DGKB: variants seen among roughly 807,000 people sequenced by gnomAD.
The protein encoded by DGKB is 90 kDa diacylglycerol kinase.
DGKB carries 67 observed loss-of-function variants against 114.3 expected under a neutral mutation model. The observed-to-expected ratio is 0.59, with a 90% CI of 0.48 to 0.72. The LOEUF is 0.72. Ranked by LOEUF, DGKB falls within the 30% of genes least tolerant of loss-of-function variation. The probability of loss-of-function intolerance (pLI) is 0.00; values close to 1 mark genes in which losing one functional copy is unlikely to be tolerated. For synonymous variants in DGKB, 398 were observed against 323.1 expected (o/e 1.23, Z -2.49); for missense variants, 907 against 975.2 (o/e 0.93, Z 0.93).
chr7:14,813,423 G>A (rs1437707843), intron 2 of DGKB, among the ~76,000 whole-genome samples: 1 of 152,128 alleles, frequency 6.6e-6, no homozygotes, highest in Non-Finnish European at 1.5e-5. Context: ...GTAATCTGCA[G>A]CACAACCTCA....
At chr7:14,747,775 G>GCGCGCGCACACACACACACA in intron 4 of DGKB, among the ~76,000 whole-genome samples, 11 of 149,178 alleles carry the variant, frequency 7.4e-5, no homozygotes, top group African/African-American at 2.8e-4. Context: ...ACATCCACGC[G>GCGCGCGCACACACACACACA]CACGCACACA....
intron 7 of DGKB, among the ~76,000 whole-genome samples, chr7:14,700,045 G>T (rs1824843134): frequency 6.6e-6 from 1 of 151,952 alleles, no homozygotes; most frequent in African/African-American, 2.4e-5. Flanking sequence ...ATTTGCATTA[G>T]TGTAGTCACA....
At chr7:14,834,655 T>C (rs907055367) in intron 2 of DGKB, among the ~76,000 whole-genome samples, 2 of 152,102 alleles carry the variant, frequency 1.3e-5, no homozygotes, top group African/African-American at 4.8e-5. Context: ...CTGACTCAGA[T>C]TGGAAATGTA....
chr7:14,243,751 G>A (rs1200482309), intron 23 of DGKB, among the ~76,000 whole-genome samples: 2 of 152,062 alleles, frequency 1.3e-5, no homozygotes, highest in East Asian at 1.9e-4. Context: ...AATCTTCTTT[G>A]ACTGTAATCT....
At chr7:14,751,663 C>G (rs1277666482) in intron 4 of DGKB, among the ~76,000 whole-genome samples, 1 of 152,116 alleles carries the variant, frequency 6.6e-6, no homozygotes, top group Non-Finnish European at 1.5e-5. Context: ...GAACAGCACT[C>G]AGGATTGTGG....
intron 20 of DGKB, among the ~76,000 whole-genome samples, chr7:14,492,266 G>A (rs1229752834): frequency 6.6e-6 from 1 of 152,002 alleles, no homozygotes; most frequent in Non-Finnish European, 1.5e-5. Flanking sequence ...GAACAATAAT[G>A]TGAACAGGTT....
At chr7:14,420,814 G>A (rs1826547401) in intron 21 of DGKB, among the ~76,000 whole-genome samples, 3 of 152,058 alleles carry the variant, frequency 2.0e-5, no homozygotes, top group African/African-American at 7.2e-5. Context: ...TAGCCCACAT[G>A]AAGCAGGAGA....
intron 1 of DGKB, among the ~76,000 whole-genome samples, chr7:14,954,691 C>T (rs1222539852): frequency 6.6e-6 from 1 of 151,822 alleles, no homozygotes; most frequent in Non-Finnish European, 1.5e-5. Flanking sequence ...CAAATAATTA[C>T]TTATGTGTTG....
chr7:14,209,310 C>T (rs562482024), intron 23 of DGKB: 19 of 272,860 alleles, frequency 7.0e-5, no homozygotes, highest in Non-Finnish European at 1.4e-4. Context: ...AATTAAGTAG[C>T]ATTGAAATTC....
chr7:14,848,088 A>G (rs1205807601), intron 1 of DGKB, among the ~76,000 whole-genome samples: 1 of 152,344 alleles, frequency 6.6e-6, no homozygotes, highest in East Asian at 1.9e-4. Context: ...TTTATATTTT[A>G]AGAAGTCCAC....
chr7:14,259,848 T>C (rs887633782), intron 23 of DGKB, among the ~76,000 whole-genome samples: 2 of 152,186 alleles, frequency 1.3e-5, no homozygotes, highest in African/African-American at 4.8e-5. Flanking sequence ...ATGTCTGACA[T>C]TGTCATTGAA....
intron 1 of DGKB, among the ~76,000 whole-genome samples, chr7:14,879,945 C>G (rs937779809): frequency 6.6e-6 from 1 of 152,098 alleles, no homozygotes; most frequent in South Asian, 2.1e-4. Flanking sequence ...CAAAATCTTC[C>G]TATTACTTAG....
At chr7:14,764,347 C>G (rs1185215454) in intron 2 of DGKB, among the ~76,000 whole-genome samples, 2 of 151,820 alleles carry the variant, frequency 1.3e-5, no homozygotes, top group African/African-American at 4.8e-5. Flanking sequence ...GTTGTGCAGA[C>G]AACATAGTAG....
intron 2 of DGKB, among the ~76,000 whole-genome samples, chr7:14,769,109 GAAAGAAAGAAAGAA>G (rs1836924258): frequency 2.7e-5 from 3 of 112,094 alleles, no homozygotes; most frequent in African/African-American, 3.9e-5. Context: ...AAGAAAGAAA[GAAAGAAAGAAAGAA>G]AGAGAGAGAG....
At chr7:14,274,617 T>C (rs1260660803) in intron 23 of DGKB, among the ~76,000 whole-genome samples, 1 of 152,180 alleles carries the variant, frequency 6.6e-6, no homozygotes, top group Non-Finnish European at 1.5e-5. Flanking sequence ...CAATAAAATA[T>C]TCATCTCTTA....
At chr7:14,936,840 A>C (rs1049174973) in intron 1 of DGKB, among the ~76,000 whole-genome samples, 1 of 152,104 alleles carries the variant, frequency 6.6e-6, no homozygotes, top group Admixed American at 6.5e-5. Context: ...GTGTTACAAA[A>C]GGGCAGAGAA....
In DGKB at chr7:14,256,087, T is replaced by C. The variant is rs151105017; in HGVS notation, c.2123-77936A>G. Among the ~76,000 whole-genome samples the C allele has an allele frequency of 1.0e-3, 158 of 152,242 alleles. 6 individuals carry two copies. The East Asian group carries it at 0.025, about 24-fold the overall frequency. On this transcript the variant is annotated intron_variant, in intron 23 of 25. Coordinates refer to ENST00000402815, the MANE Select transcript of DGKB (RefSeq NM_001350709.2). Reference sequence around the variant, plus strand: ...CTAAATACTGGCCAAGTTTTGTCTATTTCATTAGACTTTGAAAGAACTAGC... The same window carrying C: ...CTAAATACTGGCCAAGTTTTGTCTACTTCATTAGACTTTGAAAGAACTAGC...
intron 23 of DGKB, among the ~76,000 whole-genome samples, chr7:14,231,114 TC>T (rs1445348803): frequency 1.2e-4 from 15 of 129,476 alleles, no homozygotes; most frequent in Non-Finnish European, 2.3e-4. Context: ...TTTCTTTCTT[TC>T]TTTCTTTCTT....
chr7:14,162,021 A>G (rs906819940), intron 25 of DGKB, among the ~76,000 whole-genome samples: 2 of 152,224 alleles, frequency 1.3e-5, no homozygotes, highest in African/African-American at 2.4e-5. Flanking sequence ...CTAGTTCTGT[A>G]TTAGTGATAA....
Sources: gnomAD v4.1 joint callset for allele counts (sites outside exome capture counted in the v4.1 genomes callset) on GRCh38, gnomAD v4.1.1 for gene constraint, MANE v1.5 for transcripts, NCBI Gene and HGNC (gene_info 2026-07-23, HGNC 2026-07-21) for gene names.